Variants in ABCA1 observed in about 807,000 individuals in gnomAD.
ABCA1 encodes the protein phospholipid-transporting ATPase ABCA1.
ABCA1 carries 133 observed loss-of-function variants against 262.5 expected under a neutral mutation model. The observed-to-expected ratio is 0.51, with a 90% confidence interval of 0.44 to 0.59. The LOEUF is 0.59. ABCA1 is among the 20% of genes least tolerant of loss of function. The probability of loss-of-function intolerance (pLI) is 0.00; values close to 1 mark genes in which losing one functional copy is unlikely to be tolerated. For synonymous variants in ABCA1, 1,022 were observed against 1,043.5 expected (o/e 0.98, Z 0.40); for missense variants, 2,452 against 2,777.5 (o/e 0.88, Z 2.63).
rs372790037 is a variant in ABCA1 at position 104,788,021 on chromosome 9, C to A, written c.6103G>T (p.Val2035Leu). 1 of 1,614,064 alleles carries A rather than the reference C, an allele frequency of 6.2e-7. No homozygotes were observed. Residue 2035 changes from valine to leucine, a missense_variant, in exon 46 of 50, where the codon GTG becomes TTG. By Grantham distance (32) the Val-to-Leu change is conservative. Around this residue, in one of 4 missense-constraint regions of ABCA1, gnomAD observed 752 missense variants for 944.5 expected, o/e 0.80. Coordinates refer to ENST00000374736, the MANE Select transcript of ABCA1 (RefSeq NM_005502.4). ...CCAGCATATTTTTCTCCATACTTCA[C>A]GAGGCCCAGTTTCCGAATCGCCCAC... ...GEWAIRKLGL[V>L]KYGEKYAGNY...
chr9:104,788,740 G>A (rs545075507), intron 44 of ABCA1, among the ~76,000 whole-genome samples, 173 bp from the exon 45 acceptor site: 1 of 152,304 alleles, frequency 6.6e-6, no homozygotes, highest in South Asian at 2.1e-4. Flanking sequence ...CTTCCTGGCA[G>A]GCAGGGTTCC....
In ABCA1 at chr9:104,801,116, T is replaced by TAAA. The variant is rs72121018; in HGVS notation, c.4699-535_4699-533dup. Among the ~76,000 whole-genome samples, 115 of 145,348 alleles carry TAAA rather than the reference T, an allele frequency of 7.9e-4. 1 individual carries two copies. Among genetic ancestry groups the TAAA allele is most frequent in the Non-Finnish European group, 8.8e-4 (59 of 66,850 alleles). On this transcript the variant is annotated intron_variant, in intron 34 of 49. Coordinates refer to ENST00000374736, the MANE Select transcript of ABCA1 (RefSeq NM_005502.4). Reference sequence around the variant, plus strand: ...GGTCCTACAGACCAGCTTGCCAGCTTAAAAAAAAAAAAGATTCATTTCCTA... The same window carrying TAAA: ...GGTCCTACAGACCAGCTTGCCAGCTTAAAAAAAAAAAAAAAGATTCATTTCCTA...
At chr9:104,804,467 C>T (rs1252278189) in intron 32 of ABCA1, among the ~76,000 whole-genome samples, 159 bp downstream of exon 32, 2 of 152,186 alleles carry the variant, frequency 1.3e-5, no homozygotes, top group Non-Finnish European at 2.9e-5. Flanking sequence ...CAGTCCCTCT[C>T]GTCATCTTTT....
At chr9:104,906,650 G>A (rs1841165099) in intron 1 of ABCA1, among the ~76,000 whole-genome samples, 1 of 151,694 alleles carries the variant, frequency 6.6e-6, no homozygotes, top group African/African-American at 2.4e-5. Flanking sequence ...TGTCCTAAGA[G>A]GAGAGTTTGG....
At chr9:104,888,061 G>GGGTGTGTGTA (rs1839351988) in intron 3 of ABCA1, among the ~76,000 whole-genome samples, 2 of 133,440 alleles carry the variant, frequency 1.5e-5, no homozygotes, top group African/African-American at 5.3e-5. Context: ...CTTGAGGGGT[G>GGGTGTGTGTA]TGTGTGTGTG....
intron 7 of ABCA1, among the ~76,000 whole-genome samples, chr9:104,857,483 T>C (rs1835945375): frequency 6.6e-6 from 1 of 152,104 alleles, no homozygotes; most frequent in African/African-American, 2.4e-5. Flanking sequence ...CTGCCCGCCG[T>C]GGCATCCGAA....
chr9:104,881,869 T>C (rs1016356046), intron 5 of ABCA1, among the ~76,000 whole-genome samples: 1 of 151,788 alleles, frequency 6.6e-6, no homozygotes, highest in Non-Finnish European at 1.5e-5. Context: ...AGCCAGGAGT[T>C]GTCTAAGTGG....
intron 5 of ABCA1, among the ~76,000 whole-genome samples, chr9:104,868,605 A>G (rs537710946): frequency 1.9e-4 from 29 of 152,338 alleles, no homozygotes; most frequent in African/African-American, 6.5e-4. Context: ...ATACAGACCA[A>G]AATACTTGAC....
intron 11 of ABCA1, among the ~76,000 whole-genome samples, chr9:104,834,774 C>T (rs992211426): frequency 4.6e-5 from 6 of 131,774 alleles, no homozygotes; most frequent in Middle Eastern, 3.8e-3. Flanking sequence ...AAGACTTGCC[C>T]GAGAGAGGTG....
chr9:104,871,830 G>T (rs994328169), intron 5 of ABCA1, among the ~76,000 whole-genome samples: 3 of 152,010 alleles, frequency 2.0e-5, no homozygotes, highest in Non-Finnish European at 4.4e-5. Flanking sequence ...AGAGTTTGAG[G>T]CATTCAGTTC....
Position 104,784,010 on chromosome 9 carries a change from G to T in ABCA1, c.*305C>A. The T allele has an allele frequency of 1.7e-5, 4 of 240,128 alleles. No individual in the cohort carries two copies. Among genetic ancestry groups the T allele is most frequent in the Non-Finnish European group, 2.4e-5 (3 of 123,728 alleles). The allele number at this position is 240,128 out of a possible 1,614,324, so 14.9% of individuals were successfully genotyped here. A position where few individuals can be genotyped will look rare whatever the true frequency, so the allele number is the denominator to read the frequency against. On this transcript the variant is annotated 3_prime_UTR_variant, in exon 50 of 50. Coordinates refer to ENST00000374736, the MANE Select transcript of ABCA1 (RefSeq NM_005502.4). ...CACAGGAACAAAAAAAAAAAAAAAA[G>T]TGTGAGTTCAAACCCATATGTCCAT...
At chr9:104,826,039 G>T (rs980339282) in intron 16 of ABCA1, 152 bp from the exon 17 acceptor site, 6 of 743,168 alleles carry the variant, frequency 8.1e-6, no homozygotes, top group Non-Finnish European at 1.4e-5. Context: ...AGTCCCTTTA[G>T]GGGAGTGGTG....
At chr9:104,831,146 CAATA>C in intron 13 of ABCA1, 45 bp from the exon 14 acceptor site, 3 of 720,976 alleles carry the variant, frequency 4.2e-6, no homozygotes, top group South Asian at 2.1e-5. Context: ...TAGAACCATA[CAATA>C]AAAAAAAAAA....
At chr9:104,886,845 G>T (rs1289858035) in intron 3 of ABCA1, among the ~76,000 whole-genome samples, 1 of 152,230 alleles carries the variant, frequency 6.6e-6, no homozygotes, top group Non-Finnish European at 1.5e-5. Context: ...TTGAACTGGG[G>T]AAGATTTACA....
At chr9:104,836,366 T>G (rs1283553038) in intron 11 of ABCA1, among the ~76,000 whole-genome samples, 1 of 152,180 alleles carries the variant, frequency 6.6e-6, no homozygotes, top group Non-Finnish European at 1.5e-5. Flanking sequence ...AATGATTCTC[T>G]AACTCAGCCC....
intron 5 of ABCA1, among the ~76,000 whole-genome samples, chr9:104,862,283 T>C (rs1457171239): frequency 6.6e-6 from 1 of 151,768 alleles, no homozygotes; most frequent in Non-Finnish European, 1.5e-5. Flanking sequence ...TTTTTTTTTT[T>C]ATCTTTAGTA....
At chr9:104,784,940 G>A (rs930147146) in intron 49 of ABCA1, among the ~76,000 whole-genome samples, 8 of 152,118 alleles carry the variant, frequency 5.3e-5, no homozygotes, top group South Asian at 2.1e-4. Context: ...CACCACGCCC[G>A]GCCAAAAACT....
Position 104,873,039 on chromosome 9 carries a change from C to T in ABCA1, c.421+10000G>A, listed in dbSNP as rs186983102. ...GCCCAGCTGGGCCCAGGCCCTTGCC[C>T]TGGATGGAAATCAAAGACCTGGTTT... On this transcript the variant is annotated intron_variant, in intron 5 of 49. Coordinates refer to ENST00000374736, the MANE Select transcript of ABCA1 (RefSeq NM_005502.4). 2.1e-3 allele frequency among the ~76,000 whole-genome samples: 321 copies of T among 152,298 alleles called. 3 individuals carry two copies. Among genetic ancestry groups the T allele is most frequent in the African/African-American group, 7.4e-3 (307 of 41,548 alleles).
rs1227245024 is a variant in ABCA1, at chr9:104,812,689, T to A, written c.3935A>T (p.Asp1312Val). The A allele has an allele frequency of 6.2e-7, 1 of 1,614,108 alleles. No individual in the cohort carries two copies. Among genetic ancestry groups the A allele is most frequent in the Non-Finnish European group, 8.5e-7 (1 of 1,180,042 alleles). ...TTTCACCTGGTAGGACCCTTTGCCA[T>A]CCATCCCACTGAGCAAGTCTGTCTC... ...SRETDLLSGM[D>V]GKGSYQVKGW... The change falls in exon 28 of 50, where the codon GAT becomes GTT. Residue 1312 changes from aspartate (D) to valine (V), a missense_variant. Transcript: ENST00000374736.
Sources: allele counts gnomAD v4.1 joint callset (sites outside exome capture counted in the v4.1 genomes callset), GRCh38; gene constraint gnomAD v4.1.1; regional missense constraint gnomAD v4.1.1; transcripts MANE v1.5; gene names NCBI Gene and HGNC (gene_info 2026-07-23, HGNC 2026-07-21).